CSN2: variants seen among roughly 807,000 people sequenced by gnomAD.
CSN2 encodes the protein casein beta.
Under a neutral mutation model 27.3 loss-of-function variants are expected in CSN2, and 27 were observed. That is an observed-to-expected ratio of 0.99 (90% CI 0.73 to 1.36). CSN2 has a LOEUF of 1.36. Ranked by LOEUF, CSN2 falls within the 40% of genes most tolerant of loss-of-function variation. The probability of loss-of-function intolerance (pLI) is 0.00; values close to 1 mark genes in which losing one functional copy is unlikely to be tolerated. For synonymous variants in CSN2, 131 were observed against 94.8 expected (o/e 1.38, Z -2.22); for missense variants, 333 against 264.5 (o/e 1.26, Z -1.80).
chr4:69,964,851 G>C (rs868063250), intron 1 of CSN2, among the ~76,000 whole-genome samples: 58 of 149,716 alleles, frequency 3.9e-4, no homozygotes, highest in African/African-American at 1.3e-3. Context: ...AATTATACTA[G>C]TTTTTATACT....
At chr4:69,957,141 C>T in intron 6 of CSN2, 133 bp downstream of exon 6, 2 of 982,444 alleles carry the variant, frequency 2.0e-6, no homozygotes, top group Non-Finnish European at 2.9e-6. Flanking sequence ...TACCCTAAAA[C>T]TTAAAGTATA....
In CSN2 at chr4:69,960,959, C is replaced by T. The variant is rs898789406; in HGVS notation, c.37G>A (p.Ala13Thr). 2 of 1,612,778 alleles carry T rather than the reference C, an allele frequency of 1.2e-6. No individual in the cohort carries two copies. Among genetic ancestry groups the T allele is most frequent in the Admixed American group, 3.3e-5 (2 of 59,844 alleles). Residue 13 changes from alanine (A) to threonine (T), a missense_variant, in exon 2 of 8, where the codon GCT (alanine) becomes ACT (threonine). Coordinates refer to ENST00000353151, the MANE Select transcript of CSN2 (RefSeq NM_001891.4). ...TGTGCACATACCTCCCTTGCAAGAG[C>T]AAGAGCCACCAGGCAGGCGAGGATG... ...VLILACLVAL[A>T]LARETIESLS...
intron 1 of CSN2, among the ~76,000 whole-genome samples, chr4:69,961,777 A>G (rs1723599229): frequency 6.6e-6 from 1 of 152,310 alleles, no homozygotes; most frequent in Admixed American, 6.5e-5. Flanking sequence ...CAATTAGGAA[A>G]AGAGGAAGTC....
chr4:69,958,521 A>C (rs1209762636), intron 5 of CSN2, among the ~76,000 whole-genome samples: 1 of 152,178 alleles, frequency 6.6e-6, no homozygotes, highest in African/African-American at 2.4e-5. Flanking sequence ...CCATATGGGA[A>C]TAAAGGCAAT....
chr4:69,955,346 A>G lies in CSN2; in HGVS notation c.*283T>C, dbSNP rs115292830. ...GCACAATTCCAGAAACAATTTGTAT[A>G]CATATGTTTGATATGTTTGTAGCAT... On this transcript the variant is annotated 3_prime_UTR_variant, in exon 8 of 8. Coordinates refer to ENST00000353151, the MANE Select transcript of CSN2 (RefSeq NM_001891.4). The G allele has an allele frequency of 1.9e-3, 292 of 152,662 alleles. No individual in the cohort carries two copies. Among genetic ancestry groups the G allele is most frequent in the African/African-American group, 6.8e-3 (281 of 41,592 alleles). 9.5% of individuals were successfully genotyped at this position (152,662 alleles called of 1,614,324 possible).
At chr4:69,958,358 TC>T (rs1422457139) in intron 5 of CSN2, among the ~76,000 whole-genome samples, 3 of 152,166 alleles carry the variant, frequency 2.0e-5, no homozygotes, top group African/African-American at 7.2e-5. Flanking sequence ...CTTGAGTCTT[TC>T]AAGAGACATC....
At chr4:69,964,310 G>T (rs1165247666) in intron 1 of CSN2, among the ~76,000 whole-genome samples, 1 of 151,914 alleles carries the variant, frequency 6.6e-6, no homozygotes, top group Admixed American at 6.6e-5. Context: ...TAATATTTTT[G>T]ACCAAAATAT....
chr4:69,961,194 C>T (rs1044933623), intron 1 of CSN2, among the ~76,000 whole-genome samples, 187 bp from the exon 2 acceptor site: 4 of 151,952 alleles, frequency 2.6e-5, no homozygotes, highest in Non-Finnish European at 5.9e-5. Context: ...AGGTCAAAAT[C>T]CATTCTGGCT....
chr4:69,965,283 T>C (rs1307506904), intron 1 of CSN2, among the ~76,000 whole-genome samples: 1 of 151,318 alleles, frequency 6.6e-6, no homozygotes, highest in Non-Finnish European at 1.5e-5. Context: ...TTCCAGTAAT[T>C]ATTTATCTAC....
At chr4:69,964,229 G>T (rs551184471) in intron 1 of CSN2, among the ~76,000 whole-genome samples, 2 of 152,182 alleles carry the variant, frequency 1.3e-5, no homozygotes, top group East Asian at 3.9e-4. Flanking sequence ...TTCTCTTGAT[G>T]ATCCGCCAAG....
chr4:69,961,433 A>C (rs1723577772), intron 1 of CSN2, among the ~76,000 whole-genome samples: 1 of 152,176 alleles, frequency 6.6e-6, no homozygotes, highest in Non-Finnish European at 1.5e-5. Context: ...TCAACATACG[A>C]AAATCAATAA....
At position 69,957,599 on chromosome 4, in the gene CSN2, A is replaced by G. The variant is rs771318281; in HGVS notation, c.350T>C (p.Val117Ala). 6.2e-7 allele frequency: 1 copy of G among 1,613,934 alleles called. No individual in the cohort carries two copies. The highest frequency in any genetic ancestry group is 8.5e-7 in the Non-Finnish European group (1 of 1,179,956). ...AAAGGGTATCGTTGGAGATTTAAGG[A>G]CAGGCATCACTCTGCCCTTAGTGTA... is the stretch of plus-strand genomic sequence containing the variant. ...TVYTKGRVMP[V>A]LKSPTIPFFD... The change falls in exon 6 of 8, where the codon GTC (valine) becomes GCC (alanine). Residue 117 changes from valine (V) to alanine (A), a missense_variant. Val to Ala is a moderately conservative substitution (Grantham distance 64). Coordinates refer to ENST00000353151, the MANE Select transcript of CSN2 (RefSeq NM_001891.4).
chr4:69,956,804 A>G (rs1246168377), intron 6 of CSN2, among the ~76,000 whole-genome samples: 1 of 152,200 alleles, frequency 6.6e-6, no homozygotes, highest in African/African-American at 2.4e-5. Context: ...TTCATGCAAT[A>G]GTTTTTTTCT....
chr4:69,964,406 T>C (rs1392343825), intron 1 of CSN2, among the ~76,000 whole-genome samples: 1 of 152,080 alleles, frequency 6.6e-6, no homozygotes, highest in Non-Finnish European at 1.5e-5. Flanking sequence ...TACTCACCAC[T>C]CAAATCTTCA....
At chr4:69,956,123 G>C (rs1723388875) in intron 7 of CSN2, among the ~76,000 whole-genome samples, 191 bp downstream of exon 7, 1 of 151,842 alleles carries the variant, frequency 6.6e-6, no homozygotes, top group East Asian at 1.9e-4. Flanking sequence ...TAAAATTAAA[G>C]TTATTTGAAA....
intron 7 of CSN2, 120 bp downstream of exon 7, chr4:69,956,194 T>TA (rs532979214): frequency 3.5e-4 from 189 of 545,194 alleles, no homozygotes; most frequent in African/African-American, 3.1e-3. Flanking sequence ...TGATAATTAA[T>TA]AAAAAAAGTT....
Position 69,959,055 on chromosome 4 carries a change from T to G in CSN2, c.93A>C (p.Glu31Asp). ...TTTAAATGTGAAAATTTACCTTGTATTCTGTAATAGATTCCTACAGAAAAA... is the reference window on the plus strand; with the variant it reads ...TTTAAATGTGAAAATTTACCTTGTAGTCTGTAATAGATTCCTACAGAAAAA... ...SLSSSEESITEYKQKVEKVKH... is the reference protein window; with the variant it reads ...SLSSSEESITDYKQKVEKVKH... Residue 31 changes from glutamate to aspartate, a missense_variant, in exon 4 of 8, where the codon GAA becomes GAC. Physicochemically the swap from Glu to Asp is conservative, Grantham distance 45. Transcript: ENST00000353151. 7.1e-7 allele frequency: 1 copy of G among 1,405,658 alleles called. No homozygotes were observed. The highest frequency in any genetic ancestry group is 9.8e-7 in the Non-Finnish European group (1 of 1,016,066). The allele number at this position is 1,405,658 out of a possible 1,614,324, so 87.1% of individuals were successfully genotyped here. A position where few individuals can be genotyped will look rare whatever the true frequency, so the allele number is the denominator to read the frequency against.
intron 1 of CSN2, among the ~76,000 whole-genome samples, chr4:69,963,061 G>T (rs2109748647): frequency 6.6e-6 from 1 of 152,056 alleles, no homozygotes; most frequent in South Asian, 2.1e-4. Context: ...AGTTAGAATG[G>T]CGATCATTAA....
rs778233239 is a variant in CSN2 at position 69,957,256 on chromosome 4, C to T, written c.675+18G>A. 9.3e-6 allele frequency: 14 copies of T among 1,512,020 alleles called. No homozygotes were observed. The highest frequency in any genetic ancestry group is 1.4e-5 in the African/African-American group (1 of 71,662). The allele number at this position is 1,512,020 out of a possible 1,614,324, so 93.7% of individuals were successfully genotyped here. A position where few individuals can be genotyped will look rare whatever the true frequency, so the allele number is the denominator to read the frequency against. ...CACATCTTGAATGAAACAGCAAAGC[C>T]AGTAAATTTGGACTTACACTAATGG... is the stretch of plus-strand genomic sequence containing the variant. On this transcript the variant is annotated intron_variant, in intron 6 of 7. Transcript: ENST00000353151.
Sources: allele counts gnomAD v4.1 joint callset (sites outside exome capture counted in the v4.1 genomes callset), GRCh38; gene constraint gnomAD v4.1.1; transcripts MANE v1.5; gene names NCBI Gene and HGNC (gene_info 2026-07-23, HGNC 2026-07-21).